DLG5: variants seen among roughly 807,000 people sequenced by gnomAD.
DLG5 encodes the protein discs large MAGUK scaffold protein 5.
DLG5 carries 48 observed loss-of-function variants against 189.8 expected under a neutral mutation model. The observed-to-expected ratio is 0.25, with a 90% confidence interval of 0.20 to 0.32. The LOEUF (loss-of-function observed/expected upper bound fraction) is 0.32. Among genes scored for constraint, DLG5 ranks in the 10% least tolerant of loss-of-function variants. The pLI is 1.00. For synonymous variants in DLG5, 1,016 were observed against 1,054.1 expected (o/e 0.96, Z 0.70); for missense variants, 2,160 against 2,544.7 (o/e 0.85, Z 3.25).
chr10:77,855,683 T>G (rs1297377522), intron 3 of DLG5, among the ~76,000 whole-genome samples: 1 of 152,206 alleles, frequency 6.6e-6, no homozygotes, highest in African/African-American at 2.4e-5. Flanking sequence ...TCGGGCCAAC[T>G]GACTGAGGGG....
chr10:77,910,459 C>T (rs1353402627), intron 1 of DLG5, among the ~76,000 whole-genome samples: 1 of 152,172 alleles, frequency 6.6e-6, no homozygotes, highest in East Asian at 1.9e-4. Context: ...GTCACTTGCT[C>T]ACCCTCACTG....
At chr10:77,915,884 T>G (rs1846343482) in intron 1 of DLG5, among the ~76,000 whole-genome samples, 1 of 152,226 alleles carries the variant, frequency 6.6e-6, no homozygotes, top group Admixed American at 6.5e-5. Context: ...AAAGAAAATG[T>G]GTGAACATTC....
intron 2 of DLG5, among the ~76,000 whole-genome samples, chr10:77,863,581 AAAG>A (rs1844557486): frequency 1.3e-5 from 2 of 152,212 alleles, no homozygotes; most frequent in Admixed American, 1.3e-4. Flanking sequence ...AAAAGCCTCC[AAAG>A]TAGCTGCCAA....
chr10:77,885,517 C>T (rs1386387956), intron 1 of DLG5, among the ~76,000 whole-genome samples: 1 of 152,184 alleles, frequency 6.6e-6, no homozygotes, highest in Non-Finnish European at 1.5e-5. Context: ...ACATCCACGA[C>T]CCTGGAGTAC....
At chr10:77,877,183 A>G (rs1350382964) in intron 1 of DLG5, among the ~76,000 whole-genome samples, 1 of 152,208 alleles carries the variant, frequency 6.6e-6, no homozygotes, top group African/African-American at 2.4e-5. Flanking sequence ...AAATGCCCCA[A>G]GGCAAAAATA....
rs1290219135 is a variant in DLG5 at position 77,876,392 on chromosome 10, T to TTTTC, written c.305-7196_305-7195insGAAA. On this transcript the variant is annotated intron_variant, in intron 1 of 31. Transcript: ENST00000372391. ...ATCTCTCTTTTTTTTTTTTTTTTTT[T>TTTTC]GAAAGAGAGTCTCACTCTGTTGCCC... 1.1e-3 allele frequency among the ~76,000 whole-genome samples: 141 copies of TTTTC among 131,544 alleles called. No homozygotes were observed. The South Asian group carries it at 0.016, about 15-fold the overall frequency. 86.3% of individuals were successfully genotyped at this position (131,544 alleles called of 152,430 possible). A position where few individuals can be genotyped will look rare whatever the true frequency, so the allele number is the denominator to read the frequency against.
chr10:77,924,407 G>A (rs1289924273), intron 1 of DLG5, among the ~76,000 whole-genome samples: 1 of 152,128 alleles, frequency 6.6e-6, no homozygotes, highest in Admixed American at 6.5e-5. Context: ...CGGAAAGGGT[G>A]AGACCTAATT....
chr10:77,810,146 T>C (rs1403238835), intron 23 of DLG5, among the ~76,000 whole-genome samples: 1 of 152,194 alleles, frequency 6.6e-6, no homozygotes, highest in Admixed American at 6.5e-5. Context: ...ACGAAGAAGC[T>C]TCTATAGACC....
intron 9 of DLG5, among the ~76,000 whole-genome samples, chr10:77,832,558 T>A (rs1248665): frequency 0.71 from 108,126 of 152,162 alleles, 38,826 homozygotes; most frequent in African/African-American, 0.8. Context: ...TCAGCATTCA[T>A]TGCTCACTAT....
At chr10:77,824,649 A>G in intron 13 of DLG5, 173 bp from the exon 14 acceptor site, 1 of 574,066 alleles carries the variant, frequency 1.7e-6, no homozygotes, top group Non-Finnish European at 3.1e-6. Context: ...GAGTCCAACT[A>G]AGGGGATTCT....
intron 26 of DLG5, 34 bp downstream of exon 26, chr10:77,806,724 G>GCCCCCC: frequency 1.1e-5 from 11 of 1,016,156 alleles, no homozygotes; most frequent in Admixed American, 2.0e-5. Context: ...GGCGACCCCT[G>GCCCCCC]CCCCACCCCA....
chr10:77,846,841 G>T (rs983535657), intron 5 of DLG5: 3 of 409,484 alleles, frequency 7.3e-6, no homozygotes, highest in Non-Finnish European at 1.5e-5. Context: ...GCAGCCGCGG[G>T]GAGACGAGCC....
At chr10:77,841,484 A>C (rs1330560087) in intron 7 of DLG5, among the ~76,000 whole-genome samples, 2 of 152,352 alleles carry the variant, frequency 1.3e-5, no homozygotes, top group Admixed American at 6.5e-5. Context: ...GCTCTTCCAG[A>C]CACAAGAGGC....
At chr10:77,858,998 A>G (rs1844366997) in intron 2 of DLG5, among the ~76,000 whole-genome samples, 1 of 152,008 alleles carries the variant, frequency 6.6e-6, no homozygotes, top group Non-Finnish European at 1.5e-5. Context: ...TCGGCCTCCT[A>G]AGTAGCTGGG....
At chr10:77,815,550 C>T (rs1842008417) in intron 20 of DLG5, among the ~76,000 whole-genome samples, 1 of 152,174 alleles carries the variant, frequency 6.6e-6, no homozygotes, top group Non-Finnish European at 1.5e-5. Context: ...ATCTCAGCTA[C>T]TCAGGAGGCT....
chr10:77,823,607 T>C (rs1205682657), intron 14 of DLG5, among the ~76,000 whole-genome samples: 2 of 151,630 alleles, frequency 1.3e-5, no homozygotes, highest in African/African-American at 4.8e-5. Context: ...CTCAGCTCAC[T>C]GCAACCTCCG....
intron 5 of DLG5, among the ~76,000 whole-genome samples, chr10:77,847,732 G>A (rs921037179): frequency 1.3e-5 from 2 of 152,078 alleles, no homozygotes; most frequent in Admixed American, 1.3e-4. Flanking sequence ...AATGAAGAGA[G>A]AATATTTAAA....
At chr10:77,818,554 C>T (rs879647482) in intron 17 of DLG5, among the ~76,000 whole-genome samples, 4 of 152,210 alleles carry the variant, frequency 2.6e-5, no homozygotes, top group African/African-American at 4.8e-5. Flanking sequence ...ACGACTGTGC[C>T]TGGGTGCCCT....
intron 1 of DLG5, among the ~76,000 whole-genome samples, chr10:77,891,024 T>G (rs1030700360): frequency 1.3e-5 from 2 of 152,158 alleles, no homozygotes; most frequent in African/African-American, 4.8e-5. Context: ...GTTTTCTGAT[T>G]CCACCATCAC....
Sources: allele counts gnomAD v4.1 joint callset (sites outside exome capture counted in the v4.1 genomes callset), GRCh38; gene constraint gnomAD v4.1.1; transcripts MANE v1.5; gene names NCBI Gene and HGNC (gene_info 2026-07-23, HGNC 2026-07-21).